Variants in PRKCH observed in about 807,000 individuals in gnomAD.
PRKCH encodes the protein protein kinase C eta type.
Under a neutral mutation model 82.5 loss-of-function variants are expected in PRKCH, and 28 were observed. The ratio of observed to expected loss-of-function variants is 0.34; its 90% CI spans 0.25 to 0.47. The LOEUF is 0.47. PRKCH is among the 20% of genes least tolerant of loss of function. The pLI is 1.00. For synonymous variants in PRKCH, 322 were observed against 327.4 expected (o/e 0.98, Z 0.18); for missense variants, 705 against 881.8 (o/e 0.80, Z 2.54).
At chr14:61,240,302 T>C (rs1450355502) in intron 1 of PRKCH, among the ~76,000 whole-genome samples, 1 of 152,196 alleles carries the variant, frequency 6.6e-6, no homozygotes, top group Non-Finnish European at 1.5e-5. Context: ...CAGTTGGTTA[T>C]ATTGGGAGGT....
chr14:61,236,726 A>AAAG (rs1555370640), intron 1 of PRKCH, among the ~76,000 whole-genome samples: 81 of 147,140 alleles, frequency 5.5e-4, no homozygotes, highest in African/African-American at 1.8e-3. Flanking sequence ...AAAAAAAAAA[A>AAAG]AAAAAGAAAA....
At chr14:61,512,175 A>G (rs777397408) in intron 10 of PRKCH, among the ~76,000 whole-genome samples, 1 of 151,636 alleles carries the variant, frequency 6.6e-6, no homozygotes, top group Non-Finnish European at 1.5e-5. Flanking sequence ...TCTGGGGATC[A>G]GAAGCACTCA....
In PRKCH at chr14:61,303,012, A is replaced by ATT. The variant is rs139375822; in HGVS notation, c.-19+115361_-19+115362dup. On this transcript the variant is annotated intron_variant, in intron 1 of 3. Transcript: ENST00000555185. The stretch of plus-strand genomic sequence containing the variant: ...ACAGATTTGTATATTTGTTCCTTCA[A>ATT]TTTTTTTTTTTTTTTTTTGAGACAG... 211 of 129,028 alleles carry ATT rather than the reference A, an allele frequency of 1.6e-3. 3 individuals are homozygous for ATT. The highest frequency in any genetic ancestry group is 9.1e-3 in the South Asian group (37 of 4,068). The allele number at this position is 129,028 out of a possible 1,614,324, so 8.0% of individuals were successfully genotyped here. A position where few individuals can be genotyped will look rare whatever the true frequency, so the allele number is the denominator to read the frequency against.
At chr14:61,528,817 A>G (rs535488572) in intron 10 of PRKCH, 6 of 285,790 alleles carry the variant, frequency 2.1e-5, no homozygotes, top group Non-Finnish European at 3.3e-5. Flanking sequence ...GACAGCCTAC[A>G]TTTTCCTGTG....
chr14:61,527,093 G>A (rs1045887606), intron 10 of PRKCH, among the ~76,000 whole-genome samples: 14 of 152,188 alleles, frequency 9.2e-5, no homozygotes, highest in African/African-American at 2.9e-4. Flanking sequence ...GCTGGGAAGC[G>A]GGTTTTTTTA....
chr14:61,339,481 G>A (rs2045902596), intron 1 of PRKCH, among the ~76,000 whole-genome samples: 3 of 150,196 alleles, frequency 2.0e-5, no homozygotes, highest in Admixed American at 6.6e-5. Context: ...CCACCACCAC[G>A]CCCGGCTAAT....
intron 1 of PRKCH, among the ~76,000 whole-genome samples, chr14:61,232,601 G>C (rs1272282519): frequency 1.3e-5 from 2 of 152,208 alleles, no homozygotes; most frequent in Admixed American, 1.3e-4. Flanking sequence ...TAATGCTAGA[G>C]CTTCTGTCCC....
intron 1 of PRKCH, among the ~76,000 whole-genome samples, chr14:61,212,023 A>C (rs1167110207): frequency 2.0e-5 from 3 of 152,144 alleles, no homozygotes; most frequent in African/African-American, 7.2e-5. Flanking sequence ...TTCAAATCTC[A>C]TAATCCCTCC....
intron 1 of PRKCH, among the ~76,000 whole-genome samples, chr14:61,314,823 G>A (rs190476153): frequency 6.7e-4 from 102 of 152,138 alleles, no homozygotes; most frequent in African/African-American, 2.2e-3. Context: ...CAGACTGGCC[G>A]TCAGGACCCT....
rs1412037694 is a variant in PRKCH, at chr14:61,295,648, T to C, written c.-19+107980T>C. Reference sequence around the variant, plus strand: ...CTAGTAAGTGATACGTTGGTCTCCATAGCATCTAGCCCATGGTTCTCAACC... The same window carrying C: ...CTAGTAAGTGATACGTTGGTCTCCACAGCATCTAGCCCATGGTTCTCAACC... On this transcript the variant is annotated intron_variant, in intron 1 of 3. Coordinates refer to the PRKCH transcript ENST00000555185. Among the ~76,000 whole-genome samples, 3 of 152,346 alleles carry C rather than the reference T, an allele frequency of 2.0e-5. No homozygotes were observed. The East Asian group carries it at 5.8e-4, about 29-fold the overall frequency.
chr14:61,398,783 A>G (rs765263608), intron 2 of PRKCH, among the ~76,000 whole-genome samples: 19 of 152,250 alleles, frequency 1.2e-4, no homozygotes, highest in Non-Finnish European at 2.5e-4. Context: ...ACAGGAAAAG[A>G]GACTTGGTTT....
intron 9 of PRKCH, among the ~76,000 whole-genome samples, chr14:61,475,437 C>T (rs947687111): frequency 2.0e-5 from 3 of 152,178 alleles, no homozygotes; most frequent in Non-Finnish European, 4.4e-5. Context: ...AGGGGGTGCT[C>T]TAAAGGTTAG....
chr14:61,410,967 G>C (rs1053731850), intron 2 of PRKCH, among the ~76,000 whole-genome samples: 6 of 152,334 alleles, frequency 3.9e-5, no homozygotes, highest in Admixed American at 6.5e-5. Flanking sequence ...ATTGCAAAGG[G>C]ACAGAAAGTA....
At chr14:61,425,459 G>T (rs562398778) in intron 2 of PRKCH, among the ~76,000 whole-genome samples, 2 of 152,178 alleles carry the variant, frequency 1.3e-5, no homozygotes, top group Non-Finnish European at 2.9e-5. Context: ...TGCCCCACTG[G>T]ATTTTTGACT....
At chr14:61,492,069 C>G (rs1402611191) in intron 10 of PRKCH, 2 of 152,216 alleles carry the variant, frequency 1.3e-5, no homozygotes, top group Non-Finnish European at 1.5e-5. Flanking sequence ...ACAGAAGAAA[C>G]AGCAAACGCA....
chr14:61,290,271 G>A (rs984344863), intron 1 of PRKCH, among the ~76,000 whole-genome samples: 13 of 151,500 alleles, frequency 8.6e-5, no homozygotes, highest in East Asian at 3.9e-4. Context: ...CAGCCTGGGC[G>A]ACAGAGAGAG....
chr14:61,468,446 G>C (rs1381941210), intron 9 of PRKCH, among the ~76,000 whole-genome samples: 1 of 152,178 alleles, frequency 6.6e-6, no homozygotes, highest in Non-Finnish European at 1.5e-5. Flanking sequence ...ATTCTCTGAA[G>C]ACAAAATGTG....
At chr14:61,453,173 A>G (rs567593768) in intron 6 of PRKCH, 53 bp from the exon 7 acceptor site, 6 of 1,606,912 alleles carry the variant, frequency 3.7e-6, no homozygotes, top group East Asian at 2.2e-5. Context: ...GTTGCAGCAC[A>G]TGTTGAATTG....
intron 10 of PRKCH, among the ~76,000 whole-genome samples, chr14:61,490,062 A>C (rs1047336598): frequency 2.6e-5 from 4 of 152,238 alleles, no homozygotes; most frequent in Non-Finnish European, 5.9e-5. Context: ...TTTCCAACAC[A>C]TGCTTTTCGA....
Sources: gnomAD v4.1 joint callset for allele counts (sites outside exome capture counted in the v4.1 genomes callset) on GRCh38, gnomAD v4.1.1 for gene constraint, MANE v1.5 for transcripts, NCBI Gene and HGNC (gene_info 2026-07-23, HGNC 2026-07-21) for gene names.